The following AGBL3 variants were observed in gnomAD, a reference collection of about 807,000 sequenced individuals.
The protein encoded by AGBL3 is cytosolic carboxypeptidase 3.
AGBL3 carries 68 observed loss-of-function variants against 94.5 expected under a neutral mutation model. The ratio of observed to expected loss-of-function variants is 0.72; its 90% CI spans 0.59 to 0.88. The LOEUF is 0.88. Among genes scored for constraint, AGBL3 ranks in the 40% least tolerant of loss-of-function variants. AGBL3 has a pLI of 0.00. For synonymous variants in AGBL3, 354 were observed against 370.7 expected (o/e 0.95, Z 0.52); for missense variants, 934 against 1,103.8 (o/e 0.85, Z 2.18).
At chr7:135,080,321 T>G in intron 14 of AGBL3, 61 bp downstream of exon 14, 1 of 1,421,948 alleles carries the variant, frequency 7.0e-7, no homozygotes, top group Non-Finnish European at 9.7e-7. Context: ...TAAGAATTTT[T>G]GGTGCCACAA....
At chr7:135,045,612 C>A in intron 10 of AGBL3, 38 bp downstream of exon 10, 1 of 1,502,906 alleles carries the variant, frequency 6.7e-7, no homozygotes, top group Non-Finnish European at 9.1e-7. Flanking sequence ...CAGACTCCAG[C>A]CTATCAGATA....
chr7:135,076,940 T>G (rs1005530565), intron 13 of AGBL3, among the ~76,000 whole-genome samples: 2 of 152,098 alleles, frequency 1.3e-5, no homozygotes, highest in Non-Finnish European at 2.9e-5. Context: ...GGTCTTAAGG[T>G]TATACAGCAA....
chr7:135,128,908 A>G (rs1828332045), intron 16 of AGBL3: 4 of 1,472,000 alleles, frequency 2.7e-6, no homozygotes, highest in Non-Finnish European at 3.8e-6. Context: ...AAATGCTTTA[A>G]TAGTAATTTG....
At chr7:135,066,618 T>G (rs1315648623) in intron 12 of AGBL3, among the ~76,000 whole-genome samples, 33 of 152,252 alleles carry the variant, frequency 2.2e-4, no homozygotes, top group Non-Finnish European at 2.9e-5. Context: ...CTTCTGGTAT[T>G]TATCCAAAAG....
At chr7:135,062,238 T>C (rs1818904390) in intron 12 of AGBL3, among the ~76,000 whole-genome samples, 1 of 152,108 alleles carries the variant, frequency 6.6e-6, no homozygotes, top group Non-Finnish European at 1.5e-5. Context: ...CTACTGATTT[T>C]GTATGTTGAT....
At chr7:135,065,274 A>C (rs182913759) in intron 12 of AGBL3, among the ~76,000 whole-genome samples, 1 of 152,362 alleles carries the variant, frequency 6.6e-6, no homozygotes, top group African/African-American at 2.4e-5. Flanking sequence ...GCTCTCTACA[A>C]ATTCAATGCA....
chr7:135,124,765 C>T (rs568350793), intron 16 of AGBL3, among the ~76,000 whole-genome samples: 73 of 152,346 alleles, frequency 4.8e-4, no homozygotes, highest in African/African-American at 1.7e-3. Context: ...CACACGATTA[C>T]ATGGAAATTG....
In AGBL3 at chr7:135,057,860, G is replaced by A. The variant is rs118002176; in HGVS notation, c.1842-1309G>A. On this transcript the variant is annotated intron_variant, in intron 11 of 16. Transcript: ENST00000436302. Reference sequence around the variant, plus strand: ...TAATTTATATTACTAAGTGGAAAATGTAAGTCTGAAAAGGCCACATACTAT... The same window carrying A: ...TAATTTATATTACTAAGTGGAAAATATAAGTCTGAAAAGGCCACATACTAT... Among the ~76,000 whole-genome samples, 34 of 152,304 alleles carry A rather than the reference G, an allele frequency of 2.2e-4. No individual in the cohort carries two copies. The East Asian group carries it at 4.6e-3, about 21-fold the overall frequency.
At chr7:135,072,974 G>T (rs1820083891) in intron 12 of AGBL3, among the ~76,000 whole-genome samples, 3 of 151,984 alleles carry the variant, frequency 2.0e-5, no homozygotes, top group Admixed American at 2.0e-4. Flanking sequence ...TGAGGGGTGT[G>T]TGTATGTGTA....
intron 4 of AGBL3, among the ~76,000 whole-genome samples, chr7:135,014,428 C>T (rs954496660): frequency 6.6e-6 from 1 of 151,974 alleles, no homozygotes; most frequent in Non-Finnish European, 1.5e-5. Flanking sequence ...TTTATAAGAT[C>T]ATTTGCATAT....
At chr7:135,015,122 G>A (rs1245031744) in intron 4 of AGBL3, among the ~76,000 whole-genome samples, 1 of 152,146 alleles carries the variant, frequency 6.6e-6, no homozygotes, top group Non-Finnish European at 1.5e-5. Context: ...TCAAGAAGAA[G>A]TGCCTATATC....
intron 6 of AGBL3, 25 bp from the exon 7 acceptor site, chr7:135,034,124 T>C (rs1304498995): frequency 2.5e-5 from 34 of 1,385,184 alleles, no homozygotes; most frequent in Non-Finnish European, 3.1e-5. Context: ...TACGTGCTTT[T>C]TTCCCTTTCT....
At chr7:135,067,239 A>G (rs1211567790) in intron 12 of AGBL3, among the ~76,000 whole-genome samples, 1 of 152,226 alleles carries the variant, frequency 6.6e-6, no homozygotes, top group African/African-American at 2.4e-5. Context: ...AGCGGCCAGG[A>G]AGCTCGAACT....
In AGBL3 at chr7:135,017,092, G is replaced by C; in HGVS notation, c.351G>C (p.Thr117=). The change falls in exon 5 of 17, where the codon ACG becomes ACC. Residue 117 remains threonine, a synonymous_variant. Coordinates refer to ENST00000436302, the MANE Select transcript of AGBL3 (RefSeq NM_178563.4). ...PSCPEPVYIP[T]GLETEPLYPD... The stretch of plus-strand genomic sequence containing the variant: ...GTCCTGAGCCAGTGTATATCCCAAC[G>C]GGCTTAGAAACGGAACCCCTTTATC... The C allele has an allele frequency of 6.4e-7, 1 of 1,550,896 alleles. No homozygotes were observed. The highest frequency in any genetic ancestry group is 8.7e-7 in the Non-Finnish European group (1 of 1,146,144).
At chr7:135,108,044 T>C (rs1296358242) in intron 15 of AGBL3, among the ~76,000 whole-genome samples, 1 of 152,250 alleles carries the variant, frequency 6.6e-6, no homozygotes, top group African/African-American at 2.4e-5. Flanking sequence ...CCCTGCTTTT[T>C]TCTGATTTCC....
rs920106253 is a variant in AGBL3, at chr7:134,987,814, C to T, written c.-59-61C>T. On this transcript the variant is annotated intron_variant, in intron 1 of 16. Coordinates refer to ENST00000436302, the MANE Select transcript of AGBL3 (RefSeq NM_178563.4). Reference sequence around the variant, plus strand: ...ATACAATTGAATATATTTTTGAGTACTCATTTAATGTAGTAAACACCTACA... The same window carrying T: ...ATACAATTGAATATATTTTTGAGTATTCATTTAATGTAGTAAACACCTACA... 5.8e-5 allele frequency: 39 copies of T among 668,156 alleles called. No individual in the cohort carries two copies. In the African/African-American group the frequency reaches 6.9e-4, roughly 12 times the overall value. The allele number at this position is 668,156 out of a possible 1,614,324, so 41.4% of individuals were successfully genotyped here.
In AGBL3 at chr7:135,112,325, CCT is replaced by C. The variant is rs539061602; in HGVS notation, c.2111-3054_2111-3053del. On this transcript the variant is annotated intron_variant, in intron 15 of 16. Coordinates refer to ENST00000436302, the MANE Select transcript of AGBL3 (RefSeq NM_178563.4). ...TCTTGCGTAAAATCTTCAATGTCCC[CCT>C]GTTTCATTCAAAACACATTTATTTA... Among the ~76,000 whole-genome samples the C allele has an allele frequency of 1.9e-3, 290 of 152,316 alleles. 2 individuals are homozygous for C. The highest frequency in any genetic ancestry group is 6.7e-3 in the African/African-American group (280 of 41,570).
intron 4 of AGBL3, 111 bp from the exon 5 acceptor site, chr7:135,016,941 A>T: frequency 1.4e-6 from 1 of 725,570 alleles, no homozygotes; most frequent in Non-Finnish European, 2.4e-6. Context: ...CCCCACACAA[A>T]ACACTACATT....
intron 16 of AGBL3, among the ~76,000 whole-genome samples, chr7:135,126,593 C>T (rs1435306090): frequency 6.6e-6 from 1 of 152,192 alleles, no homozygotes; most frequent in Non-Finnish European, 1.5e-5. Flanking sequence ...CAATCCTAAG[C>T]AGAAGGAACA....
Sources: gnomAD v4.1 joint callset for allele counts (sites outside exome capture counted in the v4.1 genomes callset) on GRCh38, gnomAD v4.1.1 for gene constraint, MANE v1.5 for transcripts, NCBI Gene and HGNC (gene_info 2026-07-23, HGNC 2026-07-21) for gene names.